MEGF10: variants seen among roughly 807,000 people sequenced by gnomAD.
MEGF10 encodes multiple EGF like domains 10, also known as multiple epidermal growth factor-like domains protein 10.
MEGF10 carries 86 observed loss-of-function variants against 147.5 expected under a neutral mutation model. That is an observed-to-expected ratio of 0.58 (90% CI 0.49 to 0.70). MEGF10 has a LOEUF of 0.70. Ranked by LOEUF, MEGF10 falls within the 30% of genes least tolerant of loss-of-function variation. The pLI is 0.00. For synonymous variants in MEGF10, 478 were observed against 525.5 expected, an observed-to-expected ratio of 0.91 and a Z score of 1.24; for missense variants, 1,329 against 1,487.3, an observed-to-expected ratio of 0.89 and a Z score of 1.75.
At chr5:127,344,427 A>G (rs924079796) in intron 4 of MEGF10, among the ~76,000 whole-genome samples, 1 of 152,202 alleles carries the variant, frequency 6.6e-6, no homozygotes, top group East Asian at 1.9e-4. Flanking sequence ...TAACTTTTTT[A>G]TTCTGATCAA....
At chr5:127,449,561 C>T (rs990142836) in intron 22 of MEGF10, among the ~76,000 whole-genome samples, 1 of 152,220 alleles carries the variant, frequency 6.6e-6, no homozygotes, top group Non-Finnish European at 1.5e-5. Context: ...CTGCATGTTA[C>T]AGTTGAGAAA....
At chr5:127,245,416 T>A in the MEGF10 span, among the ~76,000 whole-genome samples, 5 of 152,102 alleles carry the variant, frequency 3.3e-5, no homozygotes, top group Non-Finnish European at 7.4e-5. Flanking sequence ...TGCAGAAAAC[T>A]GAAACTAGAC....
chr5:127,342,961 T>A (rs1428423166), intron 4 of MEGF10, among the ~76,000 whole-genome samples: 1 of 152,112 alleles, frequency 6.6e-6, no homozygotes, highest in African/African-American at 2.4e-5. Flanking sequence ...CTTGATTTCA[T>A]TGCTTCCCCA....
intron 5 of MEGF10, among the ~76,000 whole-genome samples, chr5:127,375,156 T>C (rs780114740): frequency 2.6e-5 from 4 of 152,198 alleles, no homozygotes; most frequent in Admixed American, 1.3e-4. Flanking sequence ...GTTTAACTCC[T>C]TTTACTGACA....
intron 1 of MEGF10, among the ~76,000 whole-genome samples, chr5:127,316,903 A>T (rs1369928129): frequency 6.6e-6 from 1 of 152,222 alleles, no homozygotes; most frequent in Non-Finnish European, 1.5e-5. Flanking sequence ...CTTCTAAAAG[A>T]AAGTGACAGT....
chr5:127,343,313 A>T (rs1561582650), intron 4 of MEGF10, among the ~76,000 whole-genome samples: 1 of 152,072 alleles, frequency 6.6e-6, no homozygotes, highest in Non-Finnish European at 1.5e-5. Context: ...AGTTTCTTTT[A>T]TGTACTCAAG....
chr5:127,310,031 T>TGCC (rs1760215405), intron 1 of MEGF10, among the ~76,000 whole-genome samples: 1 of 62,950 alleles, frequency 1.6e-5, no homozygotes. Context: ...TCTTTCTTTC[T>TGCC]TTCCTTCTTT....
intron 9 of MEGF10, among the ~76,000 whole-genome samples, chr5:127,415,423 C>T (rs1764722203): frequency 6.6e-6 from 1 of 152,090 alleles, no homozygotes; most frequent in African/African-American, 2.4e-5. Context: ...ATGATTTACT[C>T]TTTAGGTGAT....
intron 1 of MEGF10, chr5:127,300,022 G>C (rs957644410): frequency 3.3e-5 from 5 of 152,092 alleles, no homozygotes; most frequent in Admixed American, 6.5e-5. Flanking sequence ...CATTAAAGAA[G>C]GAGAAGCAAG....
chr5:127,280,213 G>T, the MEGF10 span, among the ~76,000 whole-genome samples: 1 of 152,096 alleles, frequency 6.6e-6, no homozygotes, highest in East Asian at 1.9e-4. Context: ...TTCAGGAGGG[G>T]TGGTGTTGTA....
At position 127,438,963 on chromosome 5, in the gene MEGF10, G is replaced by A. The variant is rs186783304; in HGVS notation, c.2233+396G>A. 4.2e-4 allele frequency among the ~76,000 whole-genome samples: 64 copies of A among 152,298 alleles called. 1 individual carries two copies. The highest frequency in any genetic ancestry group is 3.7e-3 in the Admixed American group (57 of 15,298). ...TTTAATGTGCGCTCTTGGAAAAGGTGGAGTTCCGTGTTTTTCGAATGGTAG... is the reference window on the plus strand; with the variant it reads ...TTTAATGTGCGCTCTTGGAAAAGGTAGAGTTCCGTGTTTTTCGAATGGTAG... On this transcript the variant is annotated intron_variant, in intron 17 of 24. Coordinates refer to ENST00000503335, the MANE Select transcript of MEGF10 (RefSeq NM_001256545.2).
chr5:127,391,108 A>G (rs866765252), intron 5 of MEGF10, among the ~76,000 whole-genome samples: 959 of 30,704 alleles, frequency 0.031, 9 homozygotes, highest in Middle Eastern at 0.045. Flanking sequence ...GCGCGCACAC[A>G]CACACACACA....
chr5:127,333,343 C>G (rs148439864), intron 2 of MEGF10, among the ~76,000 whole-genome samples: 1 of 151,932 alleles, frequency 6.6e-6, no homozygotes, highest in East Asian at 1.9e-4. Flanking sequence ...TGGCAAAGCC[C>G]CATCTTTACT....
chr5:127,375,261 G>A (rs1762982229), intron 5 of MEGF10, among the ~76,000 whole-genome samples: 1 of 152,074 alleles, frequency 6.6e-6, no homozygotes, highest in African/African-American at 2.4e-5. Flanking sequence ...GGTGATTAAG[G>A]GACTGACAAA....
intron 2 of MEGF10, among the ~76,000 whole-genome samples, chr5:127,334,763 C>T (rs1761398691): frequency 6.6e-6 from 1 of 152,024 alleles, no homozygotes; most frequent in Non-Finnish European, 1.5e-5. Flanking sequence ...AAAGAAGGCA[C>T]AAGTGAAGAG....
At chr5:127,346,954 C>G (rs1273601138) in intron 4 of MEGF10, among the ~76,000 whole-genome samples, 2 of 151,918 alleles carry the variant, frequency 1.3e-5, no homozygotes, top group Admixed American at 1.3e-4. Context: ...CTTATACATA[C>G]AGCTTAAAGG....
intron 15 of MEGF10, 74 bp from the exon 16 acceptor site, chr5:127,435,287 T>A: frequency 3.0e-5 from 47 of 1,570,370 alleles, no homozygotes; most frequent in Non-Finnish European, 3.8e-5. Context: ...TTAAAGTTAT[T>A]TCCTGTGCTA....
intron 1 of MEGF10, among the ~76,000 whole-genome samples, chr5:127,303,154 T>C (rs960843969): frequency 1.8e-4 from 28 of 151,988 alleles, no homozygotes; most frequent in African/African-American, 6.8e-4. Context: ...CTGGCCAACA[T>C]GGCAAAACCC....
intron 4 of MEGF10, among the ~76,000 whole-genome samples, chr5:127,340,888 G>A (rs542925262): frequency 2.6e-5 from 4 of 152,268 alleles, no homozygotes; most frequent in African/African-American, 9.6e-5. Context: ...GCCGGATGTG[G>A]TGATGTAAAT....
Sources: gnomAD v4.1 joint callset for allele counts (sites outside exome capture counted in the v4.1 genomes callset) on GRCh38, gnomAD v4.1.1 for gene constraint, MANE v1.5 for transcripts, NCBI Gene and HGNC (gene_info 2026-07-23, HGNC 2026-07-21) for gene names.